PAPPA2: variants seen among roughly 807,000 people sequenced by gnomAD.
PAPPA2 encodes the protein pappalysin 2, also known as pappalysin-2.
A neutral mutation model predicts 176.4 loss-of-function variants in PAPPA2; 86 were observed. The observed-to-expected ratio is 0.49, with a 90% CI of 0.41 to 0.58. The LOEUF (loss-of-function observed/expected upper bound fraction) is 0.58, where lower values mean the gene tolerates loss of function less well. PAPPA2 is among the 20% of genes least tolerant of loss of function. PAPPA2 has a pLI of 0.00. For missense variants in PAPPA2, 2,073 were observed against 2,256.9 expected, an observed-to-expected ratio of 0.92 and a Z score of 1.65; for synonymous variants, 809 against 852.2, an observed-to-expected ratio of 0.95 and a Z score of 0.88.
chr1:176,793,417 A>G, intron 19 of PAPPA2, 143 bp from the exon 20 acceptor site: 1 of 665,280 alleles, frequency 1.5e-6, no homozygotes, highest in Non-Finnish European at 2.6e-6. Context: ...GTAGATGAAT[A>G]TCAGCCCTGC....
At chr1:176,660,872 T>C (rs1245541243) in intron 3 of PAPPA2, among the ~76,000 whole-genome samples, 1 of 152,166 alleles carries the variant, frequency 6.6e-6, no homozygotes, top group Non-Finnish European at 1.5e-5. Context: ...TTTCTGGGAA[T>C]TGACATTGAG....
chr1:176,695,113 A>T lies in PAPPA2; in HGVS notation c.2625-625A>T, dbSNP rs144818786. On this transcript the variant is annotated intron_variant, in intron 6 of 22. Coordinates refer to ENST00000367662, the MANE Select transcript of PAPPA2 (RefSeq NM_020318.3). Reference sequence around the variant, plus strand: ...GGCATGATGTATTTGTGGAATGGTGATCTGTTCATTGCGCTGGAAATATAA... The same window carrying T: ...GGCATGATGTATTTGTGGAATGGTGTTCTGTTCATTGCGCTGGAAATATAA... Among the ~76,000 whole-genome samples, 86 of 152,298 alleles carry T rather than the reference A, an allele frequency of 5.6e-4. 2 individuals carry two copies. In the East Asian group the frequency reaches 0.013, roughly 23 times the overall value.
At chr1:176,733,998 G>A (rs533297345) in intron 12 of PAPPA2, among the ~76,000 whole-genome samples, 17 of 152,122 alleles carry the variant, frequency 1.1e-4, no homozygotes, top group Non-Finnish European at 2.1e-4. Flanking sequence ...CAAGAAAATG[G>A]CATGTCCTTG....
At chr1:176,588,869 C>T (rs1055986685) in intron 2 of PAPPA2, among the ~76,000 whole-genome samples, 6 of 152,172 alleles carry the variant, frequency 3.9e-5, no homozygotes, top group African/African-American at 9.7e-5. Context: ...TTTTTCAGGC[C>T]TCAAGAACAG....
intron 12 of PAPPA2, among the ~76,000 whole-genome samples, chr1:176,732,546 C>T (rs575105476): frequency 5.9e-5 from 9 of 152,242 alleles, no homozygotes; most frequent in Admixed American, 3.3e-4. Flanking sequence ...TCTTAGACTA[C>T]TAAGTGCTAA....
At chr1:176,519,683 C>T (rs116692043) in intron 1 of PAPPA2, among the ~76,000 whole-genome samples, 1 of 152,192 alleles carries the variant, frequency 6.6e-6, no homozygotes, top group Non-Finnish European at 1.5e-5. Context: ...AACAACATGA[C>T]TGCCTATCAC....
intron 1 of PAPPA2, among the ~76,000 whole-genome samples, chr1:176,511,564 A>G (rs1002431051): frequency 1.3e-5 from 2 of 152,238 alleles, no homozygotes; most frequent in African/African-American, 4.8e-5. Flanking sequence ...CGGTACCTAG[A>G]TAACTGGTGA....
chr1:176,469,956 T>A (rs1651797729), intron 1 of PAPPA2, among the ~76,000 whole-genome samples: 2 of 152,206 alleles, frequency 1.3e-5, no homozygotes, highest in Non-Finnish European at 2.9e-5. Flanking sequence ...ACTCCTTACA[T>A]GCCTCTGCAG....
chr1:176,667,674 G>A (rs767109124), intron 3 of PAPPA2, among the ~76,000 whole-genome samples: 4 of 152,034 alleles, frequency 2.6e-5, no homozygotes, highest in Non-Finnish European at 5.9e-5. Flanking sequence ...GTGGGAAGTG[G>A]GGCTGTGGGT....
chr1:176,671,303 G>C (rs531268866), intron 4 of PAPPA2, among the ~76,000 whole-genome samples, 188 bp downstream of exon 4: 1 of 152,184 alleles, frequency 6.6e-6, no homozygotes, highest in Admixed American at 6.5e-5. Flanking sequence ...CAAGTAAGAG[G>C]TATTAGAACA....
In PAPPA2 at chr1:176,712,498, A is replaced by G. The variant is rs1661191110; in HGVS notation, c.3798+517A>G. Among the ~76,000 whole-genome samples the G allele has an allele frequency of 3.3e-5, 5 of 152,208 alleles. No individual in the cohort carries two copies. In the South Asian group the frequency reaches 1.0e-3, roughly 32 times the overall value. ...GGCATTATATTTGTGGGATTCATTCATGCTGCTTCACTTAGCAGTAGTGTT... is the reference window on the plus strand; with the variant it reads ...GGCATTATATTTGTGGGATTCATTCGTGCTGCTTCACTTAGCAGTAGTGTT... On this transcript the variant is annotated intron_variant, in intron 12 of 22. Transcript: ENST00000367662.
chr1:176,546,909 G>A (rs975586734), intron 1 of PAPPA2, among the ~76,000 whole-genome samples: 3 of 152,050 alleles, frequency 2.0e-5, no homozygotes, highest in African/African-American at 7.2e-5. Flanking sequence ...TGTAATGTGA[G>A]GTAAAATTGT....
At chr1:176,777,133 A>G (rs888861374) in intron 17 of PAPPA2, among the ~76,000 whole-genome samples, 4 of 152,112 alleles carry the variant, frequency 2.6e-5, no homozygotes, top group African/African-American at 7.2e-5. Context: ...AAACGTTTCT[A>G]TTTTATTTTC....
chr1:176,505,283 T>C (rs961178797), intron 1 of PAPPA2, among the ~76,000 whole-genome samples: 25 of 152,124 alleles, frequency 1.6e-4, no homozygotes, highest in African/African-American at 5.8e-4. Flanking sequence ...GCATTTGTGC[T>C]TTAAAAGCAA....
At position 176,556,084 on chromosome 1, in the gene PAPPA2, G is replaced by A; in HGVS notation, c.-239G>A. On this transcript the variant is annotated 5_prime_UTR_variant, in exon 2 of 23. Coordinates refer to ENST00000367662, the MANE Select transcript of PAPPA2 (RefSeq NM_020318.3). ...TACAGCAAGAGGAGAGAGGTCAAGCGAGAAGCGTGCGGGAAGCACATGCCC... is the reference window on the plus strand; with the variant it reads ...TACAGCAAGAGGAGAGAGGTCAAGCAAGAAGCGTGCGGGAAGCACATGCCC... 1.8e-6 allele frequency: 1 copy of A among 541,306 alleles called. No individual in the cohort carries two copies. The highest frequency in any genetic ancestry group is 3.3e-6 in the Non-Finnish European group (1 of 307,076). The allele number at this position is 541,306 out of a possible 1,614,324, so 33.5% of individuals were successfully genotyped here. A position where few individuals can be genotyped will look rare whatever the true frequency, so the allele number is the denominator to read the frequency against.
intron 1 of PAPPA2, among the ~76,000 whole-genome samples, chr1:176,484,685 AT>A (rs1158754827): frequency 1.3e-5 from 2 of 152,074 alleles, no homozygotes; most frequent in Non-Finnish European, 2.9e-5. Context: ...GATTTCTAGC[AT>A]TTCTTCTTGG....
chr1:176,482,247 G>A (rs187185212), intron 1 of PAPPA2, among the ~76,000 whole-genome samples: 13 of 152,290 alleles, frequency 8.5e-5, no homozygotes, highest in African/African-American at 2.4e-4. Flanking sequence ...TCCCTAAGCC[G>A]AATAATGGCA....
chr1:176,821,062 A>G (rs1039325531), intron 21 of PAPPA2, among the ~76,000 whole-genome samples: 1 of 152,166 alleles, frequency 6.6e-6, no homozygotes, highest in Admixed American at 6.6e-5. Flanking sequence ...CAGGAATGTC[A>G]TAGCCTTCTT....
At chr1:176,564,739 T>C (rs902371119) in intron 2 of PAPPA2, among the ~76,000 whole-genome samples, 1 of 151,078 alleles carries the variant, frequency 6.6e-6, no homozygotes, top group African/African-American at 2.4e-5. Flanking sequence ...TTTTTTTTTT[T>C]AGAAAAAAGC....
Sources: gnomAD v4.1 joint callset for allele counts (sites outside exome capture counted in the v4.1 genomes callset) on GRCh38, gnomAD v4.1.1 for gene constraint, MANE v1.5 for transcripts, NCBI Gene and HGNC (gene_info 2026-07-23, HGNC 2026-07-21) for gene names.